The following ANO3 variants were observed in gnomAD, a reference collection of about 807,000 sequenced individuals.
ANO3 encodes the protein anoctamin-3.
ANO3 carries 99 observed loss-of-function variants against 144.8 expected under a neutral mutation model. The observed-to-expected ratio is 0.68, with a 90% confidence interval of 0.58 to 0.81. The LOEUF is 0.81. Ranked by LOEUF, ANO3 falls within the 30% of genes least tolerant of loss-of-function variation. The probability of loss-of-function intolerance (pLI) is 0.00; values close to 1 mark genes in which losing one functional copy is unlikely to be tolerated. For synonymous variants in ANO3, 414 were observed against 392.6 expected, an observed-to-expected ratio of 1.05 and a Z score of -0.64; for missense variants, 905 against 1,202.2, an observed-to-expected ratio of 0.75 and a Z score of 3.66.
chr11:26,582,737 A>G (rs1358880931), intron 14 of ANO3, among the ~76,000 whole-genome samples: 1 of 152,086 alleles, frequency 6.6e-6, no homozygotes, highest in East Asian at 1.9e-4. Context: ...TTAATTAATT[A>G]TTTCAACATA....
At chr11:26,234,312 G>A (rs1415138852) in intron 1 of ANO3, among the ~76,000 whole-genome samples, 3 of 152,080 alleles carry the variant, frequency 2.0e-5, no homozygotes, top group African/African-American at 7.2e-5. Context: ...AGTGTCGTAT[G>A]TGGTACCCAT....
chr11:26,564,775 A>T (rs574684148), intron 14 of ANO3, among the ~76,000 whole-genome samples: 3,758 of 105,852 alleles, frequency 0.036, 261 homozygotes, highest in Non-Finnish European at 0.057. Flanking sequence ...ATATATATAT[A>T]TATATATATA....
chr11:26,307,756 A>C (rs1854416866), upstream of ANO3, among the ~76,000 whole-genome samples: 1 of 149,172 alleles, frequency 6.7e-6, no homozygotes, highest in South Asian at 2.1e-4. Flanking sequence ...AATAATAATA[A>C]TAACAATTTA....
intron 14 of ANO3, 88 bp downstream of exon 14, chr11:26,559,867 C>G: frequency 3.3e-5 from 29 of 877,330 alleles, no homozygotes; most frequent in African/African-American, 5.0e-5. Flanking sequence ...CACACACACA[C>G]ACACACACCA....
intron 1 of ANO3, among the ~76,000 whole-genome samples, chr11:26,391,469 ATAGTAG>A (rs1856876621): frequency 1.3e-5 from 2 of 152,288 alleles, no homozygotes; most frequent in Admixed American, 1.3e-4. Context: ...GGGAATTTAA[ATAGTAG>A]CACAAACATT....
chr11:26,531,989 T>C (rs866652028), intron 8 of ANO3, among the ~76,000 whole-genome samples: 1 of 152,164 alleles, frequency 6.6e-6, no homozygotes. Context: ...AAATGTAAAT[T>C]TATAATTAAC....
upstream of ANO3, among the ~76,000 whole-genome samples, chr11:26,305,017 T>A (rs12280737): frequency 0.15 from 22,784 of 151,446 alleles, 1,929 homozygotes; most frequent in African/African-American, 0.23. Context: ...TGCTTTTTTT[T>A]AAAAAAAAGA....
chr11:26,511,538 A>G (rs1366396487), intron 5 of ANO3, among the ~76,000 whole-genome samples: 1 of 152,202 alleles, frequency 6.6e-6, no homozygotes, highest in Non-Finnish European at 1.5e-5. Flanking sequence ...TACACTTACT[A>G]ATACAATGCT....
At chr11:26,347,630 A>G (rs141150820) in intron 1 of ANO3, among the ~76,000 whole-genome samples, 1 of 152,290 alleles carries the variant, frequency 6.6e-6, no homozygotes, top group Non-Finnish European at 1.5e-5. Flanking sequence ...ACACTCTACT[A>G]TGGGCACATG....
chr11:26,297,215 T>G (rs1854113984), intron 1 of ANO3, among the ~76,000 whole-genome samples: 1 of 140,276 alleles, frequency 7.1e-6, no homozygotes. Context: ...GTGTGTGAAT[T>G]TCTTTTTACC....
intron 14 of ANO3, among the ~76,000 whole-genome samples, chr11:26,591,124 T>A (rs1328766127): frequency 6.6e-6 from 1 of 152,130 alleles, no homozygotes; most frequent in Non-Finnish European, 1.5e-5. Context: ...AGCCCCGTGT[T>A]TAAAGGTAGG....
chr11:26,633,090 C>T (rs1852837434), intron 18 of ANO3, among the ~76,000 whole-genome samples: 1 of 152,102 alleles, frequency 6.6e-6, no homozygotes, highest in Non-Finnish European at 1.5e-5. Flanking sequence ...TGTGATTGGG[C>T]TAGTGCATGT....
At chr11:26,642,501 A>G (rs1191424067) in intron 22 of ANO3, among the ~76,000 whole-genome samples, 1 of 149,948 alleles carries the variant, frequency 6.7e-6, no homozygotes, top group Non-Finnish European at 1.5e-5. Flanking sequence ...ACAGGTGCAC[A>G]TGACCATGCC....
intron 1 of ANO3, among the ~76,000 whole-genome samples, chr11:26,218,073 T>G (rs911966731): frequency 3.3e-5 from 5 of 152,172 alleles, no homozygotes; most frequent in African/African-American, 1.2e-4. Flanking sequence ...AATTCTAAAA[T>G]GTATTTCTTT....
At chr11:26,244,128 A>AT (rs1564931449) in intron 1 of ANO3, among the ~76,000 whole-genome samples, 1 of 139,648 alleles carries the variant, frequency 7.2e-6, no homozygotes, top group African/African-American at 2.5e-5. Flanking sequence ...AAAAAAAAAA[A>AT]AAAGAAAAGA....
chr11:26,581,307 C>CT (rs5790592), intron 14 of ANO3, among the ~76,000 whole-genome samples: 80,961 of 140,884 alleles, frequency 0.57, 23,288 homozygotes, highest in Non-Finnish European at 0.62. Context: ...GTGCAATTCC[C>CT]TTTTTTTTTT....
chr11:26,533,940 A>G (rs1468542701), intron 8 of ANO3, among the ~76,000 whole-genome samples: 1 of 152,210 alleles, frequency 6.6e-6, no homozygotes, highest in Non-Finnish European at 1.5e-5. Flanking sequence ...GTAAATACTG[A>G]AACAGACCCT....
chr11:26,633,096 C>T (rs1236282625), intron 18 of ANO3, among the ~76,000 whole-genome samples: 2 of 152,136 alleles, frequency 1.3e-5, no homozygotes, highest in African/African-American at 4.8e-5. Context: ...TGGGCTAGTG[C>T]ATGTGTTGGT....
chr11:26,260,602 G>A (rs1164166271), intron 1 of ANO3, among the ~76,000 whole-genome samples: 1 of 152,032 alleles, frequency 6.6e-6, no homozygotes, highest in Non-Finnish European at 1.5e-5. Flanking sequence ...CCAGAAACTA[G>A]GGCAAGAAAA....
Sources: gnomAD v4.1 joint callset for allele counts (sites outside exome capture counted in the v4.1 genomes callset) on GRCh38, gnomAD v4.1.1 for gene constraint, MANE v1.5 for transcripts, NCBI Gene and HGNC (gene_info 2026-07-23, HGNC 2026-07-21) for gene names.